GOSR2: variants seen among roughly 807,000 people sequenced by gnomAD.
The protein encoded by GOSR2 is golgi SNAP receptor complex member 2.
Under a neutral mutation model 27.9 loss-of-function variants are expected in GOSR2, and 20 were observed. The ratio of observed to expected loss-of-function variants is 0.72; its 90% CI spans 0.50 to 1.04. The LOEUF is 1.04. GOSR2 is among the 50% of genes least tolerant of loss of function. GOSR2 has a pLI of 0.00. For missense variants in GOSR2, 261 were observed against 270.5 expected (o/e 0.97, Z 0.25); for synonymous variants, 91 against 98.8 (o/e 0.92, Z 0.47).
At chr17:46,952,885 C>T (rs938073456) in intron 6 of GOSR2, 3 of 152,000 alleles carry the variant, frequency 2.0e-5, no homozygotes, top group Non-Finnish European at 2.9e-5. Context: ...CAGTGCAAAC[C>T]TCCACAAAAC....
chr17:46,943,188 A>G (rs1389649261), downstream of GOSR2, among the ~76,000 whole-genome samples: 1 of 152,060 alleles, frequency 6.6e-6, no homozygotes, highest in East Asian at 1.9e-4. Context: ...CGTGGGAACC[A>G]CTTGCAGAGA....
chr17:46,946,776 T>C (rs982938854), downstream of GOSR2, among the ~76,000 whole-genome samples: 6 of 152,174 alleles, frequency 3.9e-5, no homozygotes, highest in African/African-American at 1.4e-4. Flanking sequence ...GACATGAGAA[T>C]TGTTTGAACC....
chr17:46,940,977 G>T lies in GOSR2; in HGVS notation c.*2217G>T, dbSNP rs1422052174. ...TCTCCACCGCCTCAGTGTAGGGAAGGGTCCAGGCCAGGGAAGGAGCACCCT... is the reference window on the plus strand; with the variant it reads ...TCTCCACCGCCTCAGTGTAGGGAAGTGTCCAGGCCAGGGAAGGAGCACCCT... On this transcript the variant is annotated 3_prime_UTR_variant, in exon 6 of 6. Transcript: ENST00000640051. 2 of 1,196,048 alleles carry T rather than the reference G, an allele frequency of 1.7e-6. No homozygotes were observed. Among genetic ancestry groups the T allele is most frequent in the East Asian group, 1.0e-4 (2 of 19,398 alleles). 74.1% of individuals were successfully genotyped at this position (1,196,048 alleles called of 1,614,324 possible). A position where few individuals can be genotyped will look rare whatever the true frequency, so the allele number is the denominator to read the frequency against.
chr17:46,975,869 TGAAA>T (rs202113087), downstream of GOSR2, among the ~76,000 whole-genome samples: 2,151 of 141,294 alleles, frequency 0.015, 52 homozygotes, highest in African/African-American at 0.052. Context: ...CAAGGAACTA[TGAAA>T]GAAAGAAAGA....
At chr17:46,971,120 T>A (rs1477977625), downstream of GOSR2, among the ~76,000 whole-genome samples, 4 of 152,084 alleles carry the variant, frequency 2.6e-5, no homozygotes, top group African/African-American at 9.7e-5. Context: ...AGTGGATCAT[T>A]TGAGGTCAGG....
chr17:46,923,640 C>G, intron 1 of GOSR2: 1 of 1,168,050 alleles, frequency 8.6e-7, no homozygotes, highest in Non-Finnish European at 1.1e-6. Flanking sequence ...AGGGCACGTA[C>G]GGGAAAGTAT....
chr17:46,966,623 A>G (rs1179731044), exon 7 of GOSR2: 2 of 677,676 alleles, frequency 3.0e-6, no homozygotes. Context: ...TGCTGGGATT[A>G]TAGGTATGAG....
At chr17:46,935,367 G>A in intron 5 of GOSR2, 198 bp downstream of exon 5, 2 of 1,446,906 alleles carry the variant, frequency 1.4e-6, no homozygotes, top group Non-Finnish European at 1.8e-6. Flanking sequence ...CTTTGCCAGT[G>A]CTTGAAACAA....
chr17:46,953,592 T>G (rs1355906579), intron 6 of GOSR2, among the ~76,000 whole-genome samples: 5 of 152,198 alleles, frequency 3.3e-5, no homozygotes, highest in Non-Finnish European at 5.9e-5. Context: ...CAAATGGTAT[T>G]TCTAGTTCTA....
At chr17:46,952,338 A>G (rs983069979) in intron 6 of GOSR2, among the ~76,000 whole-genome samples, 1 of 152,230 alleles carries the variant, frequency 6.6e-6, no homozygotes, top group African/African-American at 2.4e-5. Context: ...GGGTGACCAC[A>G]TGACTGCGCG....
intron 5 of GOSR2, 134 bp from the exon 6 acceptor site, chr17:46,938,465 G>A (rs2088784196): frequency 5.1e-6 from 7 of 1,371,396 alleles, no homozygotes; most frequent in South Asian, 1.2e-5. Context: ...ATTTCTGGCT[G>A]ATATTGCTTT....
intron 6 of GOSR2, among the ~76,000 whole-genome samples, chr17:46,947,140 T>C (rs1317692071): frequency 6.6e-6 from 1 of 152,000 alleles, no homozygotes; most frequent in Non-Finnish European, 1.5e-5. Flanking sequence ...GACCCTGACA[T>C]GAATGTGGAT....
chr17:46,961,793 A>G (rs2091066537), intron 6 of GOSR2, among the ~76,000 whole-genome samples: 1 of 152,234 alleles, frequency 6.6e-6, no homozygotes, highest in Non-Finnish European at 1.5e-5. Context: ...AAATATTAAT[A>G]TCCAACAAAA....
At chr17:46,946,889 A>G (rs555287404), downstream of GOSR2, among the ~76,000 whole-genome samples, 7 of 152,236 alleles carry the variant, frequency 4.6e-5, no homozygotes, top group African/African-American at 1.2e-4. Flanking sequence ...AAATTATGAG[A>G]TGTCGCGGGG....
Position 46,939,190 on chromosome 17 carries a change from GAA to G in GOSR2, c.*432_*433del. 3.7e-6 allele frequency: 4 copies of G among 1,084,828 alleles called. No homozygotes were observed. The highest frequency in any genetic ancestry group is 4.5e-6 in the Non-Finnish European group (4 of 886,286). The allele number at this position is 1,084,828 out of a possible 1,614,324, so 67.2% of individuals were successfully genotyped here. A position where few individuals can be genotyped will look rare whatever the true frequency, so the allele number is the denominator to read the frequency against. ...GGTGGAGCAAAAGTGGAAAGGAAAG[GAA>G]AGAGGCCTTTTCTCACAGCCATTAT... On this transcript the variant is annotated 3_prime_UTR_variant, in exon 6 of 6. Coordinates refer to ENST00000640051, the MANE Select transcript of GOSR2 (RefSeq NM_004287.5).
chr17:46,943,816 A>G (rs1243525241), downstream of GOSR2, among the ~76,000 whole-genome samples: 1 of 152,270 alleles, frequency 6.6e-6, no homozygotes, highest in East Asian at 1.9e-4. Context: ...CCCGTGAGGG[A>G]AACTGTCACT....
intron 6 of GOSR2, chr17:46,949,234 C>A (rs545125437): frequency 3.9e-5 from 6 of 152,312 alleles, no homozygotes; most frequent in African/African-American, 1.4e-4. Flanking sequence ...CACACAGTGT[C>A]GCTGGGCACA....
downstream of GOSR2, among the ~76,000 whole-genome samples, chr17:46,942,552 G>C (rs1200361088): frequency 6.6e-6 from 1 of 152,214 alleles, no homozygotes; most frequent in Non-Finnish European, 1.5e-5. Flanking sequence ...GCAGGGGACT[G>C]AGATGGTGCA....
chr17:46,923,456 A>G, intron 1 of GOSR2: 6 of 1,404,288 alleles, frequency 4.3e-6, no homozygotes, highest in Non-Finnish European at 5.5e-6. Flanking sequence ...GGGGTCTGCA[A>G]GTTCGTGACT....
Sources: gnomAD v4.1 joint callset for allele counts (sites outside exome capture counted in the v4.1 genomes callset) on GRCh38, gnomAD v4.1.1 for gene constraint, MANE v1.5 for transcripts, NCBI Gene and HGNC (gene_info 2026-07-23, HGNC 2026-07-21) for gene names.